Variants in IMMP2L observed in about 807,000 individuals in gnomAD.
IMMP2L encodes the protein inner mitochondrial membrane peptidase subunit 2.
A neutral mutation model predicts 19.3 loss-of-function variants in IMMP2L; 18 were observed. That is an observed-to-expected ratio of 0.93 (90% CI 0.64 to 1.38). The LOEUF (loss-of-function observed/expected upper bound fraction) is 1.38. Among genes scored for constraint, IMMP2L ranks in the 40% most tolerant of loss-of-function variants. IMMP2L has a pLI of 0.00. For synonymous variants in IMMP2L, 76 were observed against 73.0 expected (o/e 1.04, Z -0.21); for missense variants, 233 against 218.2 (o/e 1.07, Z -0.43).
chr7:110,913,490 T>C (rs1813273894), intron 4 of IMMP2L, among the ~76,000 whole-genome samples: 1 of 151,996 alleles, frequency 6.6e-6, no homozygotes, highest in Non-Finnish European at 1.5e-5. Flanking sequence ...AAAATCTGAT[T>C]AATAAATGAA....
chr7:111,533,621 G>A (rs1469687615), intron 1 of IMMP2L, among the ~76,000 whole-genome samples: 1 of 152,124 alleles, frequency 6.6e-6, no homozygotes, highest in African/African-American at 2.4e-5. Flanking sequence ...GAATTAACAA[G>A]TTATGTTGAA....
chr7:110,864,725 A>G (rs567550362), intron 5 of IMMP2L, among the ~76,000 whole-genome samples: 1 of 152,194 alleles, frequency 6.6e-6, no homozygotes, highest in South Asian at 2.1e-4. Context: ...CATATGCTAG[A>G]CACGCTGCAT....
intron 5 of IMMP2L, among the ~76,000 whole-genome samples, chr7:110,866,111 C>T (rs1807953455): frequency 6.6e-6 from 1 of 151,782 alleles, no homozygotes; most frequent in Admixed American, 6.6e-5. Context: ...CATAGCAAAG[C>T]CTGATCATAA....
At chr7:110,814,168 G>C (rs1477017368) in intron 5 of IMMP2L, among the ~76,000 whole-genome samples, 1 of 151,928 alleles carries the variant, frequency 6.6e-6, no homozygotes, top group African/African-American at 2.4e-5. Flanking sequence ...TAAACGCATA[G>C]TCAAGCAACA....
intron 5 of IMMP2L, among the ~76,000 whole-genome samples, chr7:110,853,511 G>T (rs1001341979): frequency 6.6e-6 from 1 of 151,910 alleles, no homozygotes; most frequent in Non-Finnish European, 1.5e-5. Flanking sequence ...AGTACAGGCT[G>T]GTTTCCTTTG....
intron 5 of IMMP2L, among the ~76,000 whole-genome samples, chr7:110,768,531 C>A (rs1190070086): frequency 6.6e-6 from 1 of 152,126 alleles, no homozygotes; most frequent in African/African-American, 2.4e-5. Context: ...TCTCCTGATG[C>A]TAGGCTTTAG....
intron 3 of IMMP2L, among the ~76,000 whole-genome samples, chr7:111,088,602 A>C (rs942249248): frequency 6.6e-6 from 1 of 152,200 alleles, no homozygotes; most frequent in East Asian, 1.9e-4. Context: ...GAGGGGCTCT[A>C]TCCTGGCTTT....
intron 4 of IMMP2L, among the ~76,000 whole-genome samples, chr7:110,915,225 T>C (rs1813474298): frequency 6.6e-6 from 1 of 151,480 alleles, no homozygotes; most frequent in South Asian, 2.1e-4. Context: ...AAACAAAATG[T>C]GATGCACTCA....
intron 3 of IMMP2L, among the ~76,000 whole-genome samples, chr7:111,002,150 T>C (rs1823774178): frequency 6.6e-6 from 1 of 151,978 alleles, no homozygotes. Flanking sequence ...AGAGACTCTC[T>C]GAGGTACCAG....
At chr7:110,985,269 G>T (rs1342863711) in intron 3 of IMMP2L, among the ~76,000 whole-genome samples, 1 of 152,076 alleles carries the variant, frequency 6.6e-6, no homozygotes, top group East Asian at 1.9e-4. Context: ...CACTAAGTCT[G>T]TAGTAATTTA....
At chr7:111,107,025 C>T (rs1798623713) in intron 3 of IMMP2L, among the ~76,000 whole-genome samples, 1 of 151,756 alleles carries the variant, frequency 6.6e-6, no homozygotes, top group South Asian at 2.1e-4. Flanking sequence ...TCCTAGAAAA[C>T]AATCAAAGTT....
intron 5 of IMMP2L, among the ~76,000 whole-genome samples, chr7:110,755,569 G>A (rs1431376827): frequency 6.6e-6 from 1 of 152,096 alleles, no homozygotes; most frequent in Admixed American, 6.6e-5. Context: ...AAGGCATAGG[G>A]ATACAGAGAT....
chr7:110,983,053 A>G (rs1156926515), intron 3 of IMMP2L, among the ~76,000 whole-genome samples: 1 of 152,228 alleles, frequency 6.6e-6, no homozygotes, highest in East Asian at 1.9e-4. Flanking sequence ...TTCTATTTAT[A>G]GTCATGCAAT....
In IMMP2L at chr7:110,760,233, G is replaced by C. The variant is rs1369258917; in HGVS notation, c.409-96512C>G. On this transcript the variant is annotated intron_variant, in intron 5 of 5. Transcript: ENST00000405709. The surrounding 1 kb of genome is among the most constrained non-coding windows in gnomAD (Gnocchi z 4.2). ...AGATAGTATCATTCCCTTTCTATTA[G>C]TGTTTATCTGCATCTGCCTTAGAGA... Among the ~76,000 whole-genome samples, 3 of 152,032 alleles carry C rather than the reference G, an allele frequency of 2.0e-5. No homozygotes were observed. Among genetic ancestry groups the C allele is most frequent in the Non-Finnish European group, 4.4e-5 (3 of 68,000 alleles).
intron 3 of IMMP2L, among the ~76,000 whole-genome samples, chr7:111,160,815 A>T (rs1315470865): frequency 6.6e-6 from 1 of 151,046 alleles, no homozygotes; most frequent in African/African-American, 2.4e-5. Flanking sequence ...CACAAAACAA[A>T]AAGTTAATTC....
At chr7:111,332,470 CA>C (rs1554450613) in intron 3 of IMMP2L, among the ~76,000 whole-genome samples, 4 of 151,810 alleles carry the variant, frequency 2.6e-5, no homozygotes, top group Non-Finnish European at 1.5e-5. Context: ...GCCAAAATCA[CA>C]ATAAAGACAT....
intron 3 of IMMP2L, among the ~76,000 whole-genome samples, chr7:111,039,735 T>G (rs1318189354): frequency 6.6e-6 from 1 of 152,140 alleles, no homozygotes; most frequent in Non-Finnish European, 1.5e-5. Flanking sequence ...AAGAAGTAAT[T>G]CCAGCATCTC....
chr7:111,180,802 T>C (rs758291815), intron 3 of IMMP2L, among the ~76,000 whole-genome samples: 4 of 152,090 alleles, frequency 2.6e-5, no homozygotes, highest in Non-Finnish European at 5.9e-5. Context: ...TGGCTGTTTA[T>C]GGAATATGTG....
intron 5 of IMMP2L, among the ~76,000 whole-genome samples, chr7:110,753,301 A>C (rs1194637460): frequency 6.6e-6 from 1 of 152,062 alleles, no homozygotes; most frequent in African/African-American, 2.4e-5. Flanking sequence ...ATATTAGAAA[A>C]GGGAATAGAG....
Sources: gnomAD v4.1 joint callset for allele counts (sites outside exome capture counted in the v4.1 genomes callset) on GRCh38, gnomAD v4.1.1 for gene constraint, Gnocchi (gnomAD v3.1) non-coding constraint, MANE v1.5 for transcripts, NCBI Gene and HGNC (gene_info 2026-07-23, HGNC 2026-07-21) for gene names.